The following TTC3 variants were observed in gnomAD, a reference collection of about 807,000 sequenced individuals.
TTC3 encodes tetratricopeptide repeat domain 3.
Under a neutral mutation model 249.6 loss-of-function variants are expected in TTC3, and 180 were observed. That is an observed-to-expected ratio of 0.72 (90% CI 0.64 to 0.82). The LOEUF is 0.82. TTC3 is among the 40% of genes least tolerant of loss of function. The pLI, the probability that TTC3 is intolerant of heterozygous loss-of-function variation, is 0.00. For missense variants in TTC3, 2,061 were observed against 2,398.4 expected, an observed-to-expected ratio of 0.86 and a Z score of 2.94; for synonymous variants, 717 against 805.0, an observed-to-expected ratio of 0.89 and a Z score of 1.85.
chr21:37,200,109 T>C lies in TTC3; in HGVS notation c.5851-123T>C, dbSNP rs533112249. The C allele has an allele frequency of 8.5e-6, 6 of 706,880 alleles. No homozygotes were observed. In the East Asian group the frequency reaches 1.4e-4, roughly 17 times the overall value. 43.8% of individuals were successfully genotyped at this position (706,880 alleles called of 1,614,324 possible). On this transcript the variant is annotated intron_variant, in intron 44 of 45. Transcript: ENST00000355666. ...GTTGTTTCCTCAGACTGTTTAGCTG[T>C]AATTGTGAATAATTTGCCACCCTTT...
At chr21:37,146,427 A>C (rs377240149) in intron 21 of TTC3, among the ~76,000 whole-genome samples, 2 of 152,196 alleles carry the variant, frequency 1.3e-5, no homozygotes, top group East Asian at 1.9e-4. Context: ...GCTGAGGTGG[A>C]AGGGTCAGTT....
At chr21:37,191,510 C>A (rs2084096294) in intron 40 of TTC3, 86 bp downstream of exon 40, 1 of 741,334 alleles carries the variant, frequency 1.3e-6, no homozygotes, top group Non-Finnish European at 2.0e-6. Flanking sequence ...GAATCTATTT[C>A]TTTTTTATCT....
chr21:37,197,425 T>C (rs2085039631), intron 42 of TTC3, 145 bp from the exon 43 acceptor site: 1 of 961,134 alleles, frequency 1.0e-6, no homozygotes, highest in South Asian at 1.5e-5. Flanking sequence ...AGATAGTTAT[T>C]GTTGTTATCA....
exon 23 of TTC3, chr21:37,148,646 A>C (rs1423509155): frequency 3.8e-6 from 6 of 1,570,816 alleles, no homozygotes; most frequent in Non-Finnish European, 4.3e-6. Context: ...AAAATTGACA[A>C]GGTAAAGCAT....
intron 17 of TTC3, 98 bp from the exon 18 acceptor site, chr21:37,135,281 TA>T (rs1244118339): frequency 7.7e-7 from 1 of 1,299,600 alleles, no homozygotes; most frequent in Non-Finnish European, 1.0e-6. Flanking sequence ...GTAAACATTT[TA>T]TCATTAGTTA....
rs748385403 is a variant in TTC3, at chr21:37,150,052, TG to T, written c.2119-25del. 8.0e-5 allele frequency: 113 copies of T among 1,410,952 alleles called. No homozygotes were observed. The African/African-American group carries it at 1.6e-3, about 20-fold the overall frequency. The allele number at this position is 1,410,952 out of a possible 1,614,324, so 87.4% of individuals were successfully genotyped here. A position where few individuals can be genotyped will look rare whatever the true frequency, so the allele number is the denominator to read the frequency against. ...TCCCCCCTAGACATAACATTTTTCT[TG>T]TTTTTTTTTTTTTTAATCAAATAGG... On this transcript the variant is annotated intron_variant, in intron 23 of 45. Coordinates refer to ENST00000355666, the Ensembl canonical transcript of TTC3.
intron 7 of TTC3, among the ~76,000 whole-genome samples, chr21:37,092,785 A>G (rs2073439655): frequency 6.6e-6 from 1 of 152,190 alleles, no homozygotes. Flanking sequence ...AGGCTTAACT[A>G]TAGTTTTGTT....
chr21:37,150,445 C>T (rs1308596363), intron 24 of TTC3, among the ~76,000 whole-genome samples: 2 of 151,990 alleles, frequency 1.3e-5, no homozygotes, highest in Non-Finnish European at 1.5e-5. Flanking sequence ...TTTTCTTAAT[C>T]CCGGTAAACT....
At chr21:37,142,822 A>T (rs1169389795) in intron 20 of TTC3, among the ~76,000 whole-genome samples, 2 of 152,238 alleles carry the variant, frequency 1.3e-5, no homozygotes, top group Admixed American at 1.3e-4. Flanking sequence ...AGCTGGAGGC[A>T]TCACGCTACC....
chr21:37,133,448 T>A (rs2077645247), intron 17 of TTC3, among the ~76,000 whole-genome samples: 1 of 152,232 alleles, frequency 6.6e-6, no homozygotes, highest in African/African-American at 2.4e-5. Flanking sequence ...TTGGAGATTT[T>A]AAATTATATC....
rs774188098 is a variant in TTC3 at position 37,166,627 on chromosome 21, A to G, written c.4401+12A>G. 6.9e-6 allele frequency: 11 copies of G among 1,587,492 alleles called. No individual in the cohort carries two copies. The highest frequency in any genetic ancestry group is 8.6e-7 in the Non-Finnish European group (1 of 1,165,188). Reference sequence around the variant, plus strand: ...TGGTTGCCATACAGGTAAGAGTTAAATAGAAAAGTCTTCTTAATACTGAAG... The same window carrying G: ...TGGTTGCCATACAGGTAAGAGTTAAGTAGAAAAGTCTTCTTAATACTGAAG... On this transcript the variant is annotated intron_variant, in intron 33 of 45. Transcript: ENST00000355666.
At chr21:37,197,051 C>G (rs1227629763) in intron 42 of TTC3, among the ~76,000 whole-genome samples, 1 of 152,158 alleles carries the variant, frequency 6.6e-6, no homozygotes, top group Non-Finnish European at 1.5e-5. Context: ...AAGTGCAGCT[C>G]GGATCAAAGG....
exon 32 of TTC3, chr21:37,164,068 C>A: frequency 6.2e-7 from 1 of 1,608,926 alleles, no homozygotes; most frequent in Non-Finnish European, 8.5e-7. Flanking sequence ...AATTCAGATT[C>A]TGCAGGCCCA....
chr21:37,191,497 A>G, intron 40 of TTC3, 73 bp downstream of exon 40: 1 of 886,864 alleles, frequency 1.1e-6, no homozygotes, highest in South Asian at 2.2e-5. Context: ...CTGGTGTCAT[A>G]TTGAATCTAT....
At chr21:37,179,388 T>C (rs2082549587) in intron 35 of TTC3, among the ~76,000 whole-genome samples, 1 of 152,372 alleles carries the variant, frequency 6.6e-6, no homozygotes, top group Non-Finnish European at 1.5e-5. Flanking sequence ...TTTGTAAATG[T>C]ATCTCCTGTC....
At chr21:37,146,122 A>G (rs1399776769) in intron 21 of TTC3, among the ~76,000 whole-genome samples, 1 of 152,230 alleles carries the variant, frequency 6.6e-6, no homozygotes, top group Non-Finnish European at 1.5e-5. Flanking sequence ...TAGCCCAAGT[A>G]TTCGTGAGCT....
At chr21:37,148,756 T>C (rs2079199309) in intron 23 of TTC3, 109 bp downstream of exon 23, 2 of 679,520 alleles carry the variant, frequency 2.9e-6, no homozygotes, top group Non-Finnish European at 4.7e-6. Flanking sequence ...AAATTTTAAA[T>C]TATAACTTTA....
intron 14 of TTC3, among the ~76,000 whole-genome samples, chr21:37,125,073 G>C (rs2076947172): frequency 6.6e-6 from 1 of 152,132 alleles, no homozygotes; most frequent in Non-Finnish European, 1.5e-5. Context: ...AAATTTCTAA[G>C]AGACTGTGTT....
At chr21:37,167,378 T>C (rs944435159) in intron 33 of TTC3, among the ~76,000 whole-genome samples, 177 bp from the exon 34 acceptor site, 9 of 152,302 alleles carry the variant, frequency 5.9e-5, no homozygotes, top group African/African-American at 1.7e-4. Flanking sequence ...TTTCCAGATA[T>C]GCTAATTCTA....
Sources: allele counts gnomAD v4.1 joint callset (sites outside exome capture counted in the v4.1 genomes callset), GRCh38; gene constraint gnomAD v4.1.1; transcripts MANE v1.5; gene names NCBI Gene and HGNC (gene_info 2026-07-23, HGNC 2026-07-21).